Variants in ADGRG4 observed in about 807,000 individuals in gnomAD.
ADGRG4 encodes the protein adhesion G protein-coupled receptor G4, also known as G protein-coupled receptor 112.
In ADGRG4, 122 loss-of-function variants were observed where a neutral mutation model predicts 126.2. The ratio of observed to expected loss-of-function variants is 0.97; its 90% CI spans 0.83 to 1.12. The LOEUF is 1.12. Among genes scored for constraint, ADGRG4 ranks in the 50% most tolerant of loss-of-function variants. The probability of loss-of-function intolerance (pLI) is 0.00; values close to 1 mark genes in which losing one functional copy is unlikely to be tolerated. For synonymous variants in ADGRG4, 943 were observed against 838.7 expected (o/e 1.12, Z -2.15); for missense variants, 2,481 against 2,251.8 (o/e 1.10, Z -2.06).
At position 136,349,920 on chromosome X, in the gene ADGRG4, A is replaced by G. The variant is rs754181410; in HGVS notation, c.6214A>G (p.Ile2072Val). 8.3e-7 allele frequency: 1 copy of G among 1,210,594 alleles called. No individual in the cohort carries two copies. The highest frequency in any genetic ancestry group is 1.1e-6 in the Non-Finnish European group (1 of 894,896). ...ATMSTILTRT[I>V]PTPTLGGITT... ...TATGAGCACCATACTCACCCGAACC[A>G]TTCCTACACCTACACTGGGTGGTAT... is the stretch of plus-strand genomic sequence containing the variant. Residue 2072 changes from isoleucine (I) to valine (V), a missense_variant, in exon 6 of 26, where the codon ATT becomes GTT. By Grantham distance (29) the Ile-to-Val change is conservative. Transcript: ENST00000394143.
Position 136,349,289 on chromosome X carries a change from TG to T in ADGRG4, c.5584del (p.Glu1862AsnfsTer9). On this transcript the variant is annotated frameshift_variant, in exon 6 of 26. Transcript: ENST00000394143. LOFTEE classifies it high-confidence loss of function. ...TSPPPTSQMV[E>X]FPVLGTRMTS... ...CTCCTCCTCCCACATCCCAAATGGT[TG>T]AATTTCCAGTTCTGGGAACAAGAAT... is the stretch of plus-strand genomic sequence containing the variant. 1 of 1,208,491 alleles carries T rather than the reference TG, an allele frequency of 8.3e-7. No individual in the cohort carries two copies. The highest frequency in any genetic ancestry group is 1.1e-6 in the Non-Finnish European group (1 of 892,738).
rs1448189606 is a variant in ADGRG4, at chrX:136,308,720, T to C, written c.-9-49T>C. ...TGTGGTCACATACGCTTAGAAATTG[T>C]ATTTTCTGAATATCTGAGCTGGGCA... On this transcript the variant is annotated intron_variant, in intron 3 of 25. Coordinates refer to ENST00000394143, the MANE Select transcript of ADGRG4 (RefSeq NM_153834.4). 3 of 696,804 alleles carry C rather than the reference T, an allele frequency of 4.3e-6. No individual in the cohort carries two copies. In the East Asian group the frequency reaches 9.6e-5, roughly 22 times the overall value. The allele number at this position is 696,804 out of a possible 1,213,427, so 57.4% of individuals were successfully genotyped here. A position where few individuals can be genotyped will look rare whatever the true frequency, so the allele number is the denominator to read the frequency against.
chrX:136,308,051 A>G (rs368389090), intron 3 of ADGRG4, among the ~76,000 whole-genome samples: 18 of 113,021 alleles, frequency 1.6e-4, no homozygotes, highest in East Asian at 1.4e-3. Flanking sequence ...TTATAACTAC[A>G]AGTAGTTGAA....
At chrX:136,359,562 C>A in intron 11 of ADGRG4, 107 bp downstream of exon 11, 1 of 612,184 alleles carries the variant, frequency 1.6e-6, no homozygotes. Context: ...GGAGAGAAGT[C>A]ATCTTTCTGT....
intron 20 of ADGRG4, among the ~76,000 whole-genome samples, chrX:136,399,114 C>T (rs2075366118): frequency 9.0e-6 from 1 of 111,503 alleles, no homozygotes; most frequent in Non-Finnish European, 1.9e-5. Context: ...GTATTGGTTA[C>T]CTCTGGTGGG....
At chrX:136,404,143 C>T (rs963876024) in intron 22 of ADGRG4, among the ~76,000 whole-genome samples, 5 of 111,770 alleles carry the variant, frequency 4.5e-5, no homozygotes, top group Non-Finnish European at 7.5e-5. Context: ...TGACAGTTTC[C>T]ATGGGGTCAA....
chrX:136,339,060 G>A (rs2074964485), intron 5 of ADGRG4, among the ~76,000 whole-genome samples: 1 of 110,872 alleles, frequency 9.0e-6, no homozygotes, highest in African/African-American at 3.3e-5. Flanking sequence ...TCTCAGAGGG[G>A]GATGGATGTG....
At chrX:136,311,324 T>C (rs1250710632) in intron 4 of ADGRG4, among the ~76,000 whole-genome samples, 2 of 109,408 alleles carry the variant, frequency 1.8e-5, no homozygotes, top group African/African-American at 3.3e-5. Flanking sequence ...GGCTGTGTAA[T>C]GGATATGGGT....
chrX:136,398,844 T>G (rs1195727449), intron 20 of ADGRG4, among the ~76,000 whole-genome samples: 3 of 112,207 alleles, frequency 2.7e-5, no homozygotes, highest in African/African-American at 9.7e-5. Context: ...TATAGCAGCT[T>G]CAGTCACAGT....
At chrX:136,364,463 C>T (rs1451267281) in intron 13 of ADGRG4, among the ~76,000 whole-genome samples, 1 of 111,833 alleles carries the variant, frequency 8.9e-6, no homozygotes, top group African/African-American at 3.2e-5. Context: ...AGAATTTTCT[C>T]TTTCTTTTTT....
intron 5 of ADGRG4, among the ~76,000 whole-genome samples, chrX:136,328,588 G>A (rs2074889349): frequency 8.9e-6 from 1 of 112,178 alleles, no homozygotes; most frequent in African/African-American, 3.2e-5. Flanking sequence ...TCAAAGCATA[G>A]CATCCCTATA....
chrX:136,413,790 G>T (rs1395788674), intron 24 of ADGRG4, among the ~76,000 whole-genome samples: 22 of 108,749 alleles, frequency 2.0e-4, no homozygotes, highest in Non-Finnish European at 1.3e-4. Flanking sequence ...GCCCAGGCTG[G>T]AGTGCAATGG....
intron 4 of ADGRG4, among the ~76,000 whole-genome samples, chrX:136,313,884 T>C: frequency 9.0e-6 from 1 of 110,892 alleles, no homozygotes; most frequent in Non-Finnish European, 1.9e-5. Flanking sequence ...GAGATCTTAG[T>C]AGAGGGCCCT....
At chrX:136,386,848 C>G (rs2075294665) in intron 15 of ADGRG4, among the ~76,000 whole-genome samples, 1 of 112,292 alleles carries the variant, frequency 8.9e-6, no homozygotes, top group African/African-American at 3.2e-5. Flanking sequence ...TCAGCAAATA[C>G]TTCTGATAGT....
intron 5 of ADGRG4, among the ~76,000 whole-genome samples, chrX:136,341,012 C>T (rs1299483503): frequency 8.9e-6 from 1 of 112,031 alleles, no homozygotes. Context: ...AGCAATGTAA[C>T]ATGCATTATT....
At chrX:136,331,776 T>C (rs1439062890) in intron 5 of ADGRG4, among the ~76,000 whole-genome samples, 1 of 111,027 alleles carries the variant, frequency 9.0e-6, no homozygotes, top group Non-Finnish European at 1.9e-5. Flanking sequence ...GGTTGTTTGT[T>C]CATTTTATTG....
At position 136,396,366 on chromosome X, in the gene ADGRG4, C is replaced by CATAT. The variant is rs747291704; in HGVS notation, c.8184+890_8184+893dup. 3.9e-3 allele frequency among the ~76,000 whole-genome samples: 374 copies of CATAT among 95,034 alleles called. 2 individuals are homozygous for CATAT. The highest frequency in any genetic ancestry group is 0.01 in the African/African-American group (265 of 26,153). The allele number at this position is 95,034 out of a possible 115,157, so 82.5% of individuals were successfully genotyped here. A position where few individuals can be genotyped will look rare whatever the true frequency, so the allele number is the denominator to read the frequency against. ...GTCTGTTTTATATTTATTTATTTTA[C>CATAT]ATATATATATATATATATATGTATG... On this transcript the variant is annotated intron_variant, in intron 19 of 25. Transcript: ENST00000394143.
chrX:136,375,752 A>G (rs2075221790), intron 15 of ADGRG4, among the ~76,000 whole-genome samples: 1 of 110,856 alleles, frequency 9.0e-6, no homozygotes, highest in South Asian at 3.8e-4. Flanking sequence ...TTTCTTGCTG[A>G]TTTGTTTGAA....
Position 136,350,630 on chromosome X carries a change from G to T in ADGRG4, c.6727+197G>T, listed in dbSNP as rs2075056475. Among the ~76,000 whole-genome samples the T allele has an allele frequency of 2.7e-5, 3 of 111,936 alleles. No homozygotes were observed. In the South Asian group the frequency reaches 1.1e-3, roughly 42 times the overall value. ...TTCTCTAGCCATCTTTCTTGTCTTT[G>T]CCTTATTGAAATATAATGTAAATGT... is the stretch of plus-strand genomic sequence containing the variant. On this transcript the variant is annotated intron_variant, in intron 6 of 25. Transcript: ENST00000394143.
Sources: allele counts gnomAD v4.1 joint callset (sites outside exome capture counted in the v4.1 genomes callset), GRCh38; gene constraint gnomAD v4.1.1; transcripts MANE v1.5; gene names NCBI Gene and HGNC (gene_info 2026-07-23, HGNC 2026-07-21).